Variants in CHST5 observed in about 807,000 individuals in gnomAD.
CHST5 encodes carbohydrate sulfotransferase 5.
For missense variants in CHST5, 637 were observed against 602.1 expected, an observed-to-expected ratio of 1.06 and a Z score of -0.61; for synonymous variants, 313 against 279.2, an observed-to-expected ratio of 1.12 and a Z score of -1.21.
In CHST5 at chr16:75,531,630, T is replaced by C; in HGVS notation, c.-1246A>G. The C allele has an allele frequency of 7.7e-7, 1 of 1,303,980 alleles. No individual in the cohort carries two copies. 80.8% of individuals were successfully genotyped at this position (1,303,980 alleles called of 1,614,324 possible). A position where few individuals can be genotyped will look rare whatever the true frequency, so the allele number is the denominator to read the frequency against. ...ACGCTGATCACAAATCCATGGGAGA[T>C]GTCTCGACATCTGGCAAAGCAGGAA... On this transcript the variant is annotated 5_prime_UTR_variant, in exon 4 of 4. Transcript: ENST00000336257.
Position 75,530,828 on chromosome 16 carries a change from T to A in CHST5, c.-444A>T, listed in dbSNP as rs1441661367. ...CTATGATCTTGCTTATGAAGATCAC[T>A]TAAATCTCTCTGTGACGGATCACTT... On this transcript the variant is annotated 5_prime_UTR_variant, in exon 4 of 4. In the 5' UTR this introduces an upstream ATG that the reference lacks. Transcript: ENST00000336257. The A allele has an allele frequency of 1.0e-6, 1 of 1,004,100 alleles. No homozygotes were observed. Among genetic ancestry groups the A allele is most frequent in the Non-Finnish European group, 1.2e-6 (1 of 827,874 alleles). 62.2% of individuals were successfully genotyped at this position (1,004,100 alleles called of 1,614,324 possible).
rs751240992 is a variant in CHST5 at position 75,530,431 on chromosome 16, A to G, written c.-47T>C. On this transcript the variant is annotated 5_prime_UTR_variant, in exon 4 of 4. Transcript: ENST00000336257. ...AGTGCCCTCAGGGATCAGCCCTCAG[A>G]TTCGGCTACCCTACCCATTGGACTT... The G allele has an allele frequency of 1.3e-5, 19 of 1,473,738 alleles. No homozygotes were observed. Among genetic ancestry groups the G allele is most frequent in the South Asian group, 7.1e-5 (5 of 70,594 alleles). 91.3% of individuals were successfully genotyped at this position (1,473,738 alleles called of 1,614,324 possible).
In CHST5 at chr16:75,530,826, A is replaced by T. The variant is rs1433333939; in HGVS notation, c.-442T>A. Reference sequence around the variant, plus strand: ...GCCTATGATCTTGCTTATGAAGATCACTTAAATCTCTCTGTGACGGATCAC... The same window carrying T: ...GCCTATGATCTTGCTTATGAAGATCTCTTAAATCTCTCTGTGACGGATCAC... On this transcript the variant is annotated 5_prime_UTR_variant, in exon 4 of 4. Coordinates refer to ENST00000336257, the MANE Select transcript of CHST5 (RefSeq NM_024533.5). The T allele has an allele frequency of 4.0e-6, 4 of 1,007,030 alleles. No individual in the cohort carries two copies. The highest frequency in any genetic ancestry group is 3.5e-5 in the African/African-American group (2 of 57,310). The allele number at this position is 1,007,030 out of a possible 1,614,324, so 62.4% of individuals were successfully genotyped here.
At position 75,530,991 on chromosome 16, in the gene CHST5, T is replaced by C; in HGVS notation, c.-607A>G. 1 of 1,001,748 alleles carries C rather than the reference T, an allele frequency of 1.0e-6. No individual in the cohort carries two copies. The highest frequency in any genetic ancestry group is 1.2e-6 in the Non-Finnish European group (1 of 831,134). The allele number at this position is 1,001,748 out of a possible 1,614,324, so 62.1% of individuals were successfully genotyped here. A position where few individuals can be genotyped will look rare whatever the true frequency, so the allele number is the denominator to read the frequency against. On this transcript the variant is annotated 5_prime_UTR_variant, in exon 4 of 4. Transcript: ENST00000336257. Reference sequence around the variant, plus strand: ...TGAGGATTGCACCTTTTACAAGGTGTGCTTCTGTATTATATAATTTTTTTA... The same window carrying C: ...TGAGGATTGCACCTTTTACAAGGTGCGCTTCTGTATTATATAATTTTTTTA...
intron 1 of CHST5, among the ~76,000 whole-genome samples, 62 bp downstream of exon 1, chr16:75,535,982 G>C (rs1386606422): frequency 6.6e-6 from 1 of 152,172 alleles, no homozygotes; most frequent in Non-Finnish European, 1.5e-5. Flanking sequence ...TGCAGCCAAG[G>C]GACTTGGAAT....
chr16:75,530,212 C>A lies in CHST5; in HGVS notation c.173G>T (p.Gly58Val). ...CAGCACGTGCACACGATCCTCGCCGCCGGCTGGGGATGAGGGCCCTGGCCG... is the reference window on the plus strand; with the variant it reads ...CAGCACGTGCACACGATCCTCGCCGACGGCTGGGGATGAGGGCCCTGGCCG... ...ISRPGPSSPA[G>V]GEDRVHVLVL... Residue 58 changes from glycine (G) to valine (V), a missense_variant, in exon 4 of 4, where the codon GGC (glycine) becomes GTC (valine). Coordinates refer to ENST00000336257, the MANE Select transcript of CHST5 (RefSeq NM_024533.5). The A allele has an allele frequency of 6.2e-7, 1 of 1,613,698 alleles. No individual in the cohort carries two copies. Among genetic ancestry groups the A allele is most frequent in the Non-Finnish European group, 8.5e-7 (1 of 1,179,948 alleles).
Position 75,530,426 on chromosome 16 carries a change from C to T in CHST5, c.-42G>A. 6.8e-7 allele frequency: 1 copy of T among 1,475,136 alleles called. No individual in the cohort carries two copies. The highest frequency in any genetic ancestry group is 9.0e-7 in the Non-Finnish European group (1 of 1,110,258). 91.4% of individuals were successfully genotyped at this position (1,475,136 alleles called of 1,614,324 possible). A position where few individuals can be genotyped will look rare whatever the true frequency, so the allele number is the denominator to read the frequency against. On this transcript the variant is annotated 5_prime_UTR_variant, in exon 4 of 4. Transcript: ENST00000336257. ...TGCCCAGTGCCCTCAGGGATCAGCC[C>T]TCAGATTCGGCTACCCTACCCATTG...
At chr16:75,534,628 G>A (rs1236519526) in intron 2 of CHST5, among the ~76,000 whole-genome samples, 5 of 152,284 alleles carry the variant, frequency 3.3e-5, no homozygotes, top group South Asian at 2.1e-4. Flanking sequence ...GTGACAGAGC[G>A]AGACTCCGTC....
intron 3 of CHST5, 117 bp from the exon 4 acceptor site, chr16:75,531,757 C>T (rs1218787732): frequency 3.1e-5 from 19 of 613,220 alleles, no homozygotes; most frequent in East Asian, 6.9e-5. Flanking sequence ...CAGGATAACT[C>T]GTAGAGAGAC....
chr16:75,530,645 A>G lies in CHST5; in HGVS notation c.-261T>C. ...AGGCTATCTATCTGTAGAGAGAAATACTATGTTTCAAAGAGAACTCCTGTC... is the reference window on the plus strand; with the variant it reads ...AGGCTATCTATCTGTAGAGAGAAATGCTATGTTTCAAAGAGAACTCCTGTC... On this transcript the variant is annotated 5_prime_UTR_variant, in exon 4 of 4. Transcript: ENST00000336257. The G allele has an allele frequency of 2.2e-6, 3 of 1,335,822 alleles. No homozygotes were observed. The highest frequency in any genetic ancestry group is 2.9e-6 in the Non-Finnish European group (3 of 1,038,264). 82.7% of individuals were successfully genotyped at this position (1,335,822 alleles called of 1,614,324 possible). A position where few individuals can be genotyped will look rare whatever the true frequency, so the allele number is the denominator to read the frequency against.
chr16:75,532,622 C>T (rs1365196641), intron 3 of CHST5, among the ~76,000 whole-genome samples: 1 of 152,186 alleles, frequency 6.6e-6, no homozygotes, highest in African/African-American at 2.4e-5. Flanking sequence ...CTTCTGGATC[C>T]CCACACCCAC....
chr16:75,531,661 G>A (rs986299736), intron 3 of CHST5, 21 bp from the exon 4 acceptor site: 2 of 1,302,048 alleles, frequency 1.5e-6, no homozygotes, highest in South Asian at 1.2e-5. Flanking sequence ...AGGAAGGAGA[G>A]GAGATCAGAG....
intron 3 of CHST5, among the ~76,000 whole-genome samples, chr16:75,532,293 G>C (rs145054500): frequency 3.9e-5 from 6 of 152,136 alleles, no homozygotes; most frequent in African/African-American, 1.4e-4. Flanking sequence ...AGAATGTCAC[G>C]CATTTCTCAC....
rs772204520 is a variant in CHST5, at chr16:75,530,102, C to T, written c.283G>A (p.Ala95Thr). The change falls in exon 4 of 4, where the codon GCG becomes ACG. Residue 95 changes from alanine to threonine, a missense_variant. Ala to Thr is a moderately conservative substitution (Grantham distance 58). Transcript: ENST00000336257. ...HPDVFYLMEP[A>T]WHVWTTLSQG... ...GACAGGGTGGTCCACACATGCCACG[C>T]GGGCTCCATCAGGTAGAAGACGTCG... 5.6e-6 allele frequency: 9 copies of T among 1,613,454 alleles called. No individual in the cohort carries two copies. The highest frequency in any genetic ancestry group is 1.1e-5 in the South Asian group (1 of 91,074).
At position 75,535,154 on chromosome 16, in the gene CHST5, T is replaced by C. The variant is rs2080552413; in HGVS notation, c.-1379A>G. The C allele has an allele frequency of 6.6e-6, 1 of 152,294 alleles. No individual in the cohort carries two copies. The highest frequency in any genetic ancestry group is 2.4e-5 in the African/African-American group (1 of 41,452). The allele number at this position is 152,294 out of a possible 1,614,324, so 9.4% of individuals were successfully genotyped here. A position where few individuals can be genotyped will look rare whatever the true frequency, so the allele number is the denominator to read the frequency against. On this transcript the variant is annotated 5_prime_UTR_variant, in exon 2 of 4. Coordinates refer to ENST00000336257, the MANE Select transcript of CHST5 (RefSeq NM_024533.5). ...CAAAGCTTGGCGTGTCTGCCAGAGC[T>C]GGAGCAGCAGCCAGAGGGACGCCTC...
Position 75,531,200 on chromosome 16 carries a change from T to G in CHST5, c.-816A>C. 3.9e-6 allele frequency: 2 copies of G among 508,658 alleles called. No individual in the cohort carries two copies. Among genetic ancestry groups the G allele is most frequent in the Non-Finnish European group, 5.2e-6 (2 of 387,164 alleles). 31.5% of individuals were successfully genotyped at this position (508,658 alleles called of 1,614,324 possible). A position where few individuals can be genotyped will look rare whatever the true frequency, so the allele number is the denominator to read the frequency against. The stretch of plus-strand genomic sequence containing the variant: ...AGCCAGGCGTGATGGTGGGCGCCTG[T>G]AGTCCCAGCTACTCGGGAGGCTGAG... On this transcript the variant is annotated 5_prime_UTR_variant, in exon 4 of 4. Transcript: ENST00000336257.
In CHST5 at chr16:75,531,456, G is replaced by A. The variant is rs2080521325; in HGVS notation, c.-1072C>T. The A allele has an allele frequency of 1.6e-6, 2 of 1,250,570 alleles. No homozygotes were observed. Among genetic ancestry groups the A allele is most frequent in the South Asian group, 2.8e-5 (2 of 72,106 alleles). 77.5% of individuals were successfully genotyped at this position (1,250,570 alleles called of 1,614,324 possible). On this transcript the variant is annotated 5_prime_UTR_variant, in exon 4 of 4. Transcript: ENST00000336257. ...GCTGTAGGCAGCATGGGCTCCAGAA[G>A]GAGGGTGTCCTGGAGCCCTGTGGGT...
chr16:75,534,103 T>A (rs1282155650), intron 2 of CHST5, among the ~76,000 whole-genome samples: 1 of 149,386 alleles, frequency 6.7e-6, no homozygotes, highest in Admixed American at 6.6e-5. Flanking sequence ...AATCCCAGTG[T>A]TTTGGGAGGC....
chr16:75,529,875 T>G lies in CHST5; in HGVS notation c.510A>C (p.Val170=). ...GCTGCCGCGTGCACAGTGTCTTGCATACGTCCTGCTTGCTGATGGTGCCTC... is the reference window on the plus strand; with the variant it reads ...GCTGCCGCGTGCACAGTGTCTTGCAGACGTCCTGCTTGCTGATGGTGCCTC... ...FPRGTISKQD[V]CKTLCTRQPF... The change falls in exon 4 of 4, where the codon GTA becomes GTC. Residue 170 remains valine, a synonymous_variant. Coordinates refer to ENST00000336257, the MANE Select transcript of CHST5 (RefSeq NM_024533.5). 6.2e-7 allele frequency: 1 copy of G among 1,613,512 alleles called. No individual in the cohort carries two copies. The highest frequency in any genetic ancestry group is 8.5e-7 in the Non-Finnish European group (1 of 1,179,890).
Sources: gnomAD v4.1 joint callset for allele counts (sites outside exome capture counted in the v4.1 genomes callset) on GRCh38, gnomAD v4.1.1 for gene constraint, MANE v1.5 for transcripts, NCBI Gene and HGNC (gene_info 2026-07-23, HGNC 2026-07-21) for gene names.